The following LMNTD2 variants were observed in gnomAD, a reference collection of about 807,000 sequenced individuals.
LMNTD2 encodes the protein lamin tail domain-containing protein 2.
In LMNTD2, 83 loss-of-function variants were observed where a neutral mutation model predicts 70.1. The ratio of observed to expected loss-of-function variants is 1.18; its 90% CI spans 0.99 to 1.42. The LOEUF (loss-of-function observed/expected upper bound fraction) is 1.42, where lower values mean the gene tolerates loss of function less well. Ranked by LOEUF, LMNTD2 falls within the 40% of genes most tolerant of loss-of-function variation. The pLI, the probability that LMNTD2 is intolerant of heterozygous loss-of-function variation, is 0.00. For missense variants in LMNTD2, 1,153 were observed against 905.9 expected, an observed-to-expected ratio of 1.27 and a Z score of -3.50; for synonymous variants, 534 against 406.1, an observed-to-expected ratio of 1.31 and a Z score of -3.79.
Position 556,838 on chromosome 11 carries a change from C to A in LMNTD2, c.973G>T (p.Glu325Ter), listed in dbSNP as rs752509568. ...VQAGSYSRDS[E>*]DLQKTHSPRH... Reference sequence around the variant, plus strand: ...GGGGAGACCCGCCCCACTGCACCTTCTGAGTCCCTGCTGTAGCTGCCGGCC... The same window carrying A: ...GGGGAGACCCGCCCCACTGCACCTTATGAGTCCCTGCTGTAGCTGCCGGCC... Residue 325 changes from glutamate to a stop codon, truncating the protein, a stop_gained, in exon 8 of 14, where the codon GAA (glutamate) becomes TAA (stop). Transcript: ENST00000329451. LOFTEE classifies it high-confidence loss of function. 27 of 1,572,340 alleles carry A rather than the reference C, an allele frequency of 1.7e-5. No individual in the cohort carries two copies. Among genetic ancestry groups the A allele is most frequent in the Middle Eastern group, 3.4e-4 (2 of 5,924 alleles).
At chr11:560,542 C>T (rs988536931) in intron 1 of LMNTD2, 141 bp downstream of exon 1, 4 of 1,278,758 alleles carry the variant, frequency 3.1e-6, no homozygotes, top group Admixed American at 4.2e-5. Context: ...GCCCGGGAAG[C>T]GAGGGGAGGG....
intron 10 of LMNTD2, 32 bp from the exon 11 acceptor site, chr11:556,147 G>T: frequency 7.6e-7 from 1 of 1,310,962 alleles, no homozygotes; most frequent in South Asian, 2.3e-5. Context: ...GGTGAGGGGC[G>T]GCCGGGCCGG....
chr11:559,488 G>A (rs572705234), intron 1 of LMNTD2: 2 of 1,291,936 alleles, frequency 1.5e-6, no homozygotes, highest in African/African-American at 1.5e-5. Context: ...TGAGTTCTGG[G>A]CCAGCCCAGC....
chr11:556,300 G>T lies in LMNTD2; in HGVS notation c.1149C>A (p.Ser383Arg). ...GCACCATGCCGCTCAGGTCGGCCGT[G>T]CTCTCCTGCGACGGGTTGAAGATGC... ...FVRIFNPSQE[S>R]TADLSGMVLK... Residue 383 changes from serine (S) to arginine (R), a missense_variant, in exon 10 of 14, where the codon AGC becomes AGA. Ser to Arg is a moderately radical substitution (Grantham distance 110). Coordinates refer to ENST00000329451, the MANE Select transcript of LMNTD2 (RefSeq NM_173573.3). 6.5e-7 allele frequency: 1 copy of T among 1,535,596 alleles called. No individual in the cohort carries two copies. Among genetic ancestry groups the T allele is most frequent in the Non-Finnish European group, 8.7e-7 (1 of 1,146,678 alleles).
At position 558,774 on chromosome 11, in the gene LMNTD2, G is replaced by A. The variant is rs768271919; in HGVS notation, c.159-8C>T. On this transcript the variant is annotated splice_region_variant and splice_polypyrimidine_tract_variant and intron_variant, in intron 2 of 13. Transcript: ENST00000329451. The stretch of plus-strand genomic sequence containing the variant: ...AGGGACTCAAGAGCCAACCTGCAGC[G>A]GCAGCAGACCCTGCTGCTTACTCAG... 18 of 1,603,414 alleles carry A rather than the reference G, an allele frequency of 1.1e-5. No individual in the cohort carries two copies. Among genetic ancestry groups the A allele is most frequent in the South Asian group, 2.2e-5 (2 of 90,744 alleles).
At position 557,571 on chromosome 11, in the gene LMNTD2, C is replaced by G. The variant is rs758753270; in HGVS notation, c.624+1G>C. ...CCACACACGTGGGAGGCCTAGCTCA[C>G]CTCCCCGGTGGGGGCCTGAATGTTT... is the stretch of plus-strand genomic sequence containing the variant. On this transcript the variant is annotated splice_donor_variant, in intron 6 of 13. Transcript: ENST00000329451. LOFTEE classifies it high-confidence loss of function. 5.0e-6 allele frequency: 8 copies of G among 1,613,446 alleles called. No individual in the cohort carries two copies. In the African/African-American group the frequency reaches 1.1e-4, roughly 21 times the overall value.
rs1242571768 is a variant in LMNTD2 at position 558,957 on chromosome 11, G to C, written c.57C>G (p.His19Gln). 3 of 1,603,072 alleles carry C rather than the reference G, an allele frequency of 1.9e-6. No homozygotes were observed. The highest frequency in any genetic ancestry group is 1.3e-5 in the African/African-American group (1 of 74,900). ...CAGGTGCGCCTGCTGGAGGTCCCAG[G>C]TGACCACTGACCGACTCTTGCTCTG... Reference protein sequence around the residue: ...RRREQESVSGHLGPPAGAPAA... With the variant: ...RRREQESVSGQLGPPAGAPAA... The change falls in exon 2 of 14, where the codon CAC (histidine) becomes CAG (glutamine). Residue 19 changes from histidine to glutamine, a missense_variant. By Grantham distance (24) the His-to-Gln change is conservative. Coordinates refer to ENST00000329451, the MANE Select transcript of LMNTD2 (RefSeq NM_173573.3).
Position 556,527 on chromosome 11 carries a change from T to A in LMNTD2, c.1038A>T (p.Thr346=), listed in dbSNP as rs756754206. Residue 346 remains threonine (T), a synonymous_variant, in exon 9 of 14, where the codon ACA becomes ACT. Transcript: ENST00000329451. ...GTTCCGGGCTCCAGTGGTCCGGGTC[T>A]GTGCAGGGCTGGGGCGACAGGACCG... ...GEPVLSPQPC[T]DPDHWSPELL... is the part of the protein sequence containing the mutation. 1.3e-6 allele frequency: 2 copies of A among 1,560,228 alleles called. No homozygotes were observed. The highest frequency in any genetic ancestry group is 1.7e-6 in the Non-Finnish European group (2 of 1,152,296).
Position 559,596 on chromosome 11 carries a change from C to T in LMNTD2, c.35-617G>A, listed in dbSNP as rs1853151452. 1.6e-5 allele frequency: 19 copies of T among 1,185,994 alleles called. No homozygotes were observed. In the South Asian group the frequency reaches 2.9e-4, roughly 18 times the overall value. The allele number at this position is 1,185,994 out of a possible 1,614,324, so 73.5% of individuals were successfully genotyped here. A position where few individuals can be genotyped will look rare whatever the true frequency, so the allele number is the denominator to read the frequency against. On this transcript the variant is annotated intron_variant, in intron 1 of 13. Coordinates refer to ENST00000329451, the MANE Select transcript of LMNTD2 (RefSeq NM_173573.3). ...GGAGGCCCCAGCATCCCCTACCTAG[C>T]CTGGCAGCAGCAGCGGGATAAATAG...
intron 12 of LMNTD2, 57 bp downstream of exon 12, chr11:555,651 CTAGCGAGGGGATACGAGGGACCGTTT>C (rs1852804118): frequency 7.7e-7 from 1 of 1,306,942 alleles, no homozygotes; most frequent in African/African-American, 1.6e-5. Flanking sequence ...GGGGTCCGTC[CTAGCGAGGGGATACGAGGGACCGTTT>C]CTGCTGGGTC....
At position 558,206 on chromosome 11, in the gene LMNTD2, C is replaced by T. The variant is rs1237261615; in HGVS notation, c.354G>A (p.Gln118=). The T allele has an allele frequency of 6.2e-7, 1 of 1,613,622 alleles. No homozygotes were observed. Among genetic ancestry groups the T allele is most frequent in the Non-Finnish European group, 8.5e-7 (1 of 1,179,844 alleles). ...GTTCCTTCAACTCCTGGATCAGCTT[C>T]TGGACCTGGTTCTGCAGGAGTTTCT... The part of the protein sequence containing the change: ...SQEKLLQNQV[Q]KLIQELKEQK... Residue 118 remains glutamine, a synonymous_variant, in exon 4 of 14, where the codon CAG becomes CAA. Coordinates refer to ENST00000329451, the MANE Select transcript of LMNTD2 (RefSeq NM_173573.3).
intron 9 of LMNTD2, 36 bp from the exon 10 acceptor site, chr11:556,411 C>G (rs777109471): frequency 1.1e-5 from 17 of 1,540,894 alleles, no homozygotes; most frequent in Non-Finnish European, 1.4e-5. Flanking sequence ...GAGATGCGGC[C>G]GGTCCACCCG....
chr11:559,107 C>A, intron 1 of LMNTD2, 128 bp from the exon 2 acceptor site: 1 of 1,509,688 alleles, frequency 6.6e-7, no homozygotes, highest in Non-Finnish European at 8.8e-7. Flanking sequence ...CCTCGTGTGG[C>A]CACACAGGTT....
chr11:555,974 C>G, intron 11 of LMNTD2, 22 bp downstream of exon 11: 1 of 1,553,466 alleles, frequency 6.4e-7, no homozygotes, highest in Non-Finnish European at 8.6e-7. Context: ...CCCCGGCCGC[C>G]CCACCGGGGA....
At chr11:555,973 C>T (rs751448457) in intron 11 of LMNTD2, 23 bp downstream of exon 11, 9 of 1,553,064 alleles carry the variant, frequency 5.8e-6, no homozygotes, top group East Asian at 2.6e-5. Flanking sequence ...GCCCCGGCCG[C>T]CCCACCGGGG....
At chr11:559,554 G>A in intron 1 of LMNTD2, 2 of 1,214,156 alleles carry the variant, frequency 1.6e-6, no homozygotes, top group Non-Finnish European at 2.1e-6. Context: ...GGACCACTTA[G>A]TGACCAACAC....
Position 555,415 on chromosome 11 carries a change from CG to C in LMNTD2, c.1662del (p.Ala555ArgfsTer117), listed in dbSNP as rs776974660. 7.9e-6 allele frequency: 11 copies of C among 1,393,738 alleles called. No homozygotes were observed. The Admixed American group carries it at 1.3e-4, about 17-fold the overall frequency. 86.3% of individuals were successfully genotyped at this position (1,393,738 alleles called of 1,614,324 possible). On this transcript the variant is annotated frameshift_variant, in exon 13 of 14. Coordinates refer to ENST00000329451, the MANE Select transcript of LMNTD2 (RefSeq NM_173573.3). LOFTEE classifies it high-confidence loss of function. ...GGGATGGCGGGCAGGTGCTGCGGCG[CG>C]GGGATCTCGGGGTTCTCGGGCCGCG... The part of the protein sequence containing the change: ...GPARPENPEI[P>X]APQHLPAIPG...
At chr11:557,119 A>G (rs764028077) in intron 7 of LMNTD2, 22 bp from the exon 8 acceptor site, 8 of 1,565,892 alleles carry the variant, frequency 5.1e-6, no homozygotes, top group Non-Finnish European at 6.9e-6. Flanking sequence ...GCTCTGCTTG[A>G]TGGCCACTCC....
Position 556,952 on chromosome 11 carries a change from T to C in LMNTD2, c.859A>G (p.Ser287Gly). The C allele has an allele frequency of 6.2e-7, 1 of 1,603,154 alleles. No individual in the cohort carries two copies. The highest frequency in any genetic ancestry group is 1.1e-5 in the South Asian group (1 of 90,362). Residue 287 changes from serine (S) to glycine (G), a missense_variant, in exon 8 of 14, where the codon AGC (serine) becomes GGC (glycine). Physicochemically the swap from Ser to Gly is moderately conservative, Grantham distance 56 (BLOSUM62 0). Coordinates refer to ENST00000329451, the MANE Select transcript of LMNTD2 (RefSeq NM_173573.3). ...AAGGAAGGCAGGCCCGGCCGGCAGC[T>C]GCTGGAGTCGGAGTCAGCGCCCCCT... ...SSGGADSDSS[S>G]CRPGLPSFVQ... is the part of the protein sequence containing the mutation.
Sources: allele counts gnomAD v4.1 joint callset, GRCh38; gene constraint gnomAD v4.1.1; transcripts MANE v1.5; gene names NCBI Gene and HGNC (gene_info 2026-07-23, HGNC 2026-07-21).